The following KMT2C variants were observed in gnomAD, a reference collection of about 807,000 sequenced individuals.
KMT2C encodes histone-lysine N-methyltransferase 2C.
In KMT2C, 88 loss-of-function variants were observed where a neutral mutation model predicts 507.9. The observed-to-expected ratio is 0.17, with a 90% CI of 0.15 to 0.21. The LOEUF is 0.21. Ranked by LOEUF, KMT2C falls within the 10% of genes least tolerant of loss-of-function variation. The pLI is 1.00. For missense variants in KMT2C, 4,954 were observed against 5,957.8 expected, an observed-to-expected ratio of 0.83 and a Z score of 5.55; for synonymous variants, 2,049 against 2,080.8, an observed-to-expected ratio of 0.98 and a Z score of 0.42.
chr7:152,373,492 A>G (rs1265248060), intron 1 of KMT2C, among the ~76,000 whole-genome samples: 1 of 152,218 alleles, frequency 6.6e-6, no homozygotes. Flanking sequence ...AAATAATAAA[A>G]TTTCACAGGG....
intron 37 of KMT2C, among the ~76,000 whole-genome samples, chr7:152,179,215 C>T (rs925906364): frequency 3.9e-5 from 6 of 152,166 alleles, no homozygotes; most frequent in Admixed American, 6.5e-5. Flanking sequence ...AGGTTGGTCT[C>T]GAACTCCTGA....
chr7:152,382,426 CAG>C (rs1335658943), intron 1 of KMT2C, among the ~76,000 whole-genome samples: 2 of 152,136 alleles, frequency 1.3e-5, no homozygotes, highest in Non-Finnish European at 2.9e-5. Flanking sequence ...AACCCAAACA[CAG>C]AGTCACCTCA....
At chr7:152,149,256 T>C in intron 51 of KMT2C, 104 bp from the exon 52 acceptor site, 1 of 1,100,048 alleles carries the variant, frequency 9.1e-7, no homozygotes, top group Non-Finnish European at 1.2e-6. Context: ...AGAGGATGGG[T>C]GACCTGAGGG....
At chr7:152,251,514 G>A (rs923962381) in intron 11 of KMT2C, among the ~76,000 whole-genome samples, 5 of 152,026 alleles carry the variant, frequency 3.3e-5, no homozygotes, top group African/African-American at 1.2e-4. Context: ...TTAACAGTAG[G>A]ATACTACTAA....
intron 6 of KMT2C, among the ~76,000 whole-genome samples, chr7:152,297,156 G>A (rs1435636060): frequency 1.3e-5 from 2 of 151,294 alleles, no homozygotes; most frequent in Non-Finnish European, 2.9e-5. Flanking sequence ...AGGCAACAAA[G>A]GACTGTAGAG....
At chr7:152,286,650 T>C (rs1294850003) in intron 6 of KMT2C, among the ~76,000 whole-genome samples, 2 of 152,136 alleles carry the variant, frequency 1.3e-5, no homozygotes, top group African/African-American at 2.4e-5. Context: ...TTCTTTCCAC[T>C]AAATACAGCT....
intron 23 of KMT2C, among the ~76,000 whole-genome samples, chr7:152,212,861 C>A (rs576177012): frequency 6.6e-6 from 1 of 152,084 alleles, no homozygotes; most frequent in East Asian, 1.9e-4. Context: ...GCCAACATGG[C>A]GAAACCCTGT....
chr7:152,425,531 C>G (rs1161258399), intron 1 of KMT2C, among the ~76,000 whole-genome samples: 3 of 152,142 alleles, frequency 2.0e-5, no homozygotes, highest in Non-Finnish European at 4.4e-5. Context: ...AAGCCGAGAT[C>G]GTGCCACTGC....
chr7:152,144,769 G>A lies in KMT2C; in HGVS notation c.14287C>T (p.Arg4763Trp), dbSNP rs2090939614. The A allele has an allele frequency of 1.2e-6, 2 of 1,613,894 alleles. No individual in the cohort carries two copies. Among genetic ancestry groups the A allele is most frequent in the African/African-American group, 1.3e-5 (1 of 74,878 alleles). The change falls in exon 55 of 59, where the codon CGG becomes TGG. Residue 4763 changes from arginine to tryptophan, a missense_variant. Transcript: ENST00000262189. The surrounding 1 kb of genome is among the most constrained non-coding windows in gnomAD (Gnocchi z 4.4). ...GATTTCCATTCAGTTTTCATCTTCC[G>A]GTACTGCGATGACTTGGAGTGAACA... ...QFVHSKSSQYRKMKTEWKSNV... is the reference protein window; with the variant it reads ...QFVHSKSSQYWKMKTEWKSNV...
At chr7:152,182,672 G>A in intron 35 of KMT2C, 78 bp from the exon 36 acceptor site, 1 of 1,315,096 alleles carries the variant, frequency 7.6e-7, no homozygotes, top group Non-Finnish European at 1.0e-6. Flanking sequence ...AAAAGCAACA[G>A]AAAGTTAATT....
intron 1 of KMT2C, among the ~76,000 whole-genome samples, chr7:152,358,928 T>G (rs1265531229): frequency 6.6e-6 from 1 of 152,150 alleles, no homozygotes; most frequent in African/African-American, 2.4e-5. Flanking sequence ...ATAATTCACT[T>G]AAGTATTCCT....
intron 2 of KMT2C, among the ~76,000 whole-genome samples, chr7:152,337,960 C>T (rs1043894860): frequency 3.9e-5 from 6 of 152,090 alleles, no homozygotes; most frequent in African/African-American, 1.2e-4. Context: ...AGGTTCACGC[C>T]ATTCTCCTGC....
chr7:152,393,759 GT>G (rs2097519148), intron 1 of KMT2C, among the ~76,000 whole-genome samples: 1 of 152,146 alleles, frequency 6.6e-6, no homozygotes, highest in South Asian at 2.1e-4. Flanking sequence ...GGGCATGGTG[GT>G]GCATGCCTGT....
intron 6 of KMT2C, among the ~76,000 whole-genome samples, chr7:152,303,546 T>C (rs1005727957): frequency 1.3e-5 from 2 of 152,134 alleles, no homozygotes; most frequent in African/African-American, 4.8e-5. Flanking sequence ...CCAGAGAAAA[T>C]ATGATAAAGC....
intron 11 of KMT2C, 104 bp from the exon 12 acceptor site, chr7:152,251,070 A>G: frequency 1.6e-6 from 1 of 633,636 alleles, no homozygotes; most frequent in East Asian, 2.8e-5. Flanking sequence ...TCATCACCAA[A>G]AATGCTTTAA....
intron 33 of KMT2C, among the ~76,000 whole-genome samples, chr7:152,186,223 GA>G (rs554423499): frequency 2.2e-3 from 332 of 152,118 alleles, no homozygotes; most frequent in Non-Finnish European, 3.9e-3. Flanking sequence ...CAATGAAAAT[GA>G]AAAATCAGTT....
At chr7:152,358,340 T>C (rs2097168941) in intron 2 of KMT2C, among the ~76,000 whole-genome samples, 1 of 152,090 alleles carries the variant, frequency 6.6e-6, no homozygotes, top group African/African-American at 2.4e-5. Flanking sequence ...CTTTATTTCC[T>C]TGATAAAACA....
intron 2 of KMT2C, among the ~76,000 whole-genome samples, chr7:152,332,896 T>C (rs1415730814): frequency 2.7e-5 from 3 of 111,228 alleles, no homozygotes; most frequent in East Asian, 6.3e-4. Flanking sequence ...ACACACAAAT[T>C]ATTCTCGTCA....
intron 1 of KMT2C, among the ~76,000 whole-genome samples, chr7:152,421,376 T>C (rs1041923846): frequency 6.6e-6 from 1 of 152,182 alleles, no homozygotes; most frequent in African/African-American, 2.4e-5. Flanking sequence ...TCAATCCAGG[T>C]ATCCCATTAC....
Sources: gnomAD v4.1 joint callset for allele counts (sites outside exome capture counted in the v4.1 genomes callset) on GRCh38, gnomAD v4.1.1 for gene constraint, Gnocchi (gnomAD v3.1) non-coding constraint, MANE v1.5 for transcripts, NCBI Gene and HGNC (gene_info 2026-07-23, HGNC 2026-07-21) for gene names.